Variants in METTL15 observed in about 807,000 individuals in gnomAD.
METTL15 encodes 12S rRNA N(4)-cytidine methyltransferase METTL15.
Under a neutral mutation model 38.3 loss-of-function variants are expected in METTL15, and 34 were observed. The observed-to-expected ratio is 0.89, with a 90% CI of 0.68 to 1.18. The LOEUF is 1.18. METTL15 is among the 50% of genes most tolerant of loss of function. The probability of loss-of-function intolerance (pLI) is 0.00; values close to 1 mark genes in which losing one functional copy is unlikely to be tolerated. For missense variants in METTL15, 438 were observed against 498.4 expected (o/e 0.88, Z 1.15); for synonymous variants, 162 against 170.9 (o/e 0.95, Z 0.41).
chr11:28,168,227 G>A (rs1850724389), intron 3 of METTL15, among the ~76,000 whole-genome samples: 1 of 151,744 alleles, frequency 6.6e-6, no homozygotes. Flanking sequence ...ATAAGACAAT[G>A]TCACCCTCAT....
chr11:28,218,116 G>A (rs978602021), intron 4 of METTL15, among the ~76,000 whole-genome samples: 2 of 152,068 alleles, frequency 1.3e-5, no homozygotes, highest in African/African-American at 4.8e-5. Context: ...TAGCTTGATG[G>A]GGATGGCATT....
intron 4 of METTL15, among the ~76,000 whole-genome samples, chr11:28,283,874 G>A (rs1856152672): frequency 6.6e-6 from 1 of 152,086 alleles, no homozygotes; most frequent in Non-Finnish European, 1.5e-5. Context: ...CTTGTAAAAT[G>A]CACATGCAAA....
At chr11:28,268,925 A>C (rs1357373287) in intron 4 of METTL15, among the ~76,000 whole-genome samples, 2 of 152,206 alleles carry the variant, frequency 1.3e-5, no homozygotes, top group African/African-American at 4.8e-5. Flanking sequence ...AGAGAGTAAA[A>C]TATGGTATTT....
chr11:28,125,249 G>T (rs1419958473), intron 3 of METTL15, among the ~76,000 whole-genome samples: 7 of 152,168 alleles, frequency 4.6e-5, no homozygotes, highest in African/African-American at 7.2e-5. Flanking sequence ...TTTATTTCAA[G>T]ATTTCTTCAG....
At chr11:28,202,048 A>C (rs1231592486) in intron 3 of METTL15, among the ~76,000 whole-genome samples, 1 of 152,166 alleles carries the variant, frequency 6.6e-6, no homozygotes, top group Non-Finnish European at 1.5e-5. Flanking sequence ...TTGGAGAGCC[A>C]TTGAGGGGGT....
chr11:28,247,697 C>T (rs141121054), intron 4 of METTL15, among the ~76,000 whole-genome samples: 3 of 152,186 alleles, frequency 2.0e-5, no homozygotes, highest in East Asian at 1.9e-4. Context: ...CTCATTCTCT[C>T]GTTATTGGGT....
chr11:28,449,674 C>T (rs1341078758), intron 6 of METTL15, among the ~76,000 whole-genome samples: 1 of 152,046 alleles, frequency 6.6e-6, no homozygotes, highest in African/African-American at 2.4e-5. Flanking sequence ...CTATAGAATA[C>T]AGTGGAAATG....
At chr11:28,224,365 C>T (rs1393708652) in intron 4 of METTL15, among the ~76,000 whole-genome samples, 1 of 151,696 alleles carries the variant, frequency 6.6e-6, no homozygotes, top group Non-Finnish European at 1.5e-5. Flanking sequence ...AATCCAGAAG[C>T]CTGATATATC....
intron 5 of METTL15, among the ~76,000 whole-genome samples, chr11:28,375,690 A>G (rs1026129402): frequency 3.3e-5 from 5 of 151,438 alleles, no homozygotes; most frequent in Admixed American, 6.6e-5. Flanking sequence ...GATTTTAGTT[A>G]TTTCTTGCCT....
At chr11:28,353,497 A>G (rs1850059815) in intron 4 of METTL15, among the ~76,000 whole-genome samples, 1 of 152,202 alleles carries the variant, frequency 6.6e-6, no homozygotes, top group Non-Finnish European at 1.5e-5. Context: ...GTGTCAAAAC[A>G]AGAGTGCCTA....
rs141147140 is a variant in METTL15, at chr11:28,392,683, G to C, written c.*358+30647G>C. 1.7e-3 allele frequency among the ~76,000 whole-genome samples: 253 copies of C among 152,124 alleles called. 1 individual carries two copies. Among genetic ancestry groups the C allele is most frequent in the Non-Finnish European group, 2.6e-3 (178 of 67,998 alleles). On this transcript the variant is annotated intron_variant and NMD_transcript_variant, in intron 5 of 7. Coordinates refer to the METTL15 transcript ENST00000532947. ...TACTATATCAAACTTAAAAAGTTTT[G>C]CACATCACAGGAAACAACAGAGTGA... is the stretch of plus-strand genomic sequence containing the variant.
chr11:28,496,102 T>C (rs1851533495), intron 6 of METTL15, among the ~76,000 whole-genome samples: 1 of 152,234 alleles, frequency 6.6e-6, no homozygotes, highest in South Asian at 2.1e-4. Flanking sequence ...TATTAATCTG[T>C]TCTCACACTG....
At chr11:28,263,951 T>C (rs1855310066) in intron 4 of METTL15, among the ~76,000 whole-genome samples, 1 of 152,112 alleles carries the variant, frequency 6.6e-6, no homozygotes, top group Non-Finnish European at 1.5e-5. Flanking sequence ...GTAATATGTC[T>C]TCTATATATC....
chr11:28,234,375 G>A (rs1298567706), intron 4 of METTL15, among the ~76,000 whole-genome samples: 8 of 151,504 alleles, frequency 5.3e-5, no homozygotes, highest in East Asian at 2.0e-4. Context: ...CTGAGGAATC[G>A]CCACACTGAC....
chr11:28,386,118 C>A (rs892399378), intron 5 of METTL15, among the ~76,000 whole-genome samples: 2 of 151,812 alleles, frequency 1.3e-5, no homozygotes, highest in African/African-American at 4.8e-5. Context: ...AAGATATACA[C>A]AGAAAACGAG....
intron 3 of METTL15, among the ~76,000 whole-genome samples, chr11:28,174,184 T>A (rs1159792895): frequency 6.6e-6 from 1 of 152,232 alleles, no homozygotes; most frequent in Non-Finnish European, 1.5e-5. Context: ...GCAATTCGTC[T>A]CTTCTCCATT....
chr11:28,278,477 G>C (rs1158426197), intron 4 of METTL15, among the ~76,000 whole-genome samples: 1 of 152,112 alleles, frequency 6.6e-6, no homozygotes, highest in African/African-American at 2.4e-5. Context: ...TCTAGGCCTT[G>C]TATTTGAGAA....
intron 4 of METTL15, among the ~76,000 whole-genome samples, chr11:28,268,196 C>CAAAAAAAAAAAAA (rs71050954): frequency 1.6e-5 from 1 of 64,174 alleles, no homozygotes; most frequent in African/African-American, 7.3e-5. Flanking sequence ...GACTCCGTCT[C>CAAAAAAAAAAAAA]AAAAAAAAAA....
At chr11:28,246,234 A>C (rs2133914210) in intron 4 of METTL15, among the ~76,000 whole-genome samples, 1 of 152,268 alleles carries the variant, frequency 6.6e-6, no homozygotes, top group South Asian at 2.1e-4. Flanking sequence ...GGAAATTGAT[A>C]ATTACCCTAA....
Sources: allele counts gnomAD v4.1 joint callset (sites outside exome capture counted in the v4.1 genomes callset), GRCh38; gene constraint gnomAD v4.1.1; transcripts MANE v1.5; gene names NCBI Gene and HGNC (gene_info 2026-07-23, HGNC 2026-07-21).